EVL: variants seen among roughly 807,000 people sequenced by gnomAD.
EVL encodes ena/VASP-like protein.
A neutral mutation model predicts 59.6 loss-of-function variants in EVL; 21 were observed. The observed-to-expected ratio is 0.35, with a 90% confidence interval of 0.25 to 0.51. EVL has a LOEUF of 0.51. Ranked by LOEUF, EVL falls within the 20% of genes least tolerant of loss-of-function variation. The pLI is 0.97. For synonymous variants in EVL, 198 were observed against 203.5 expected, an observed-to-expected ratio of 0.97 and a Z score of 0.23; for missense variants, 462 against 546.6, an observed-to-expected ratio of 0.85 and a Z score of 1.54.
At chr14:100,105,868 C>G (rs906426319) in intron 3 of EVL, among the ~76,000 whole-genome samples, 2 of 152,262 alleles carry the variant, frequency 1.3e-5, no homozygotes, top group East Asian at 1.9e-4. Flanking sequence ...AACATGCCTC[C>G]CCTGCCACAG....
At chr14:100,124,144 A>C (rs1170514198) in intron 4 of EVL, among the ~76,000 whole-genome samples, 1 of 152,250 alleles carries the variant, frequency 6.6e-6, no homozygotes, top group Non-Finnish European at 1.5e-5. Context: ...CATTGCTCTG[A>C]AATGGCAGAG....
At chr14:100,031,027 G>A (rs980959261) in intron 1 of EVL, among the ~76,000 whole-genome samples, 2 of 151,826 alleles carry the variant, frequency 1.3e-5, no homozygotes, top group Non-Finnish European at 2.9e-5. Flanking sequence ...TGAGAACTCA[G>A]TGAAGAGCAC....
At chr14:100,024,198 ACTTT>A (rs1401859280) in intron 1 of EVL, among the ~76,000 whole-genome samples, 2 of 152,250 alleles carry the variant, frequency 1.3e-5, no homozygotes, top group East Asian at 3.8e-4. Flanking sequence ...ACTCTAACCA[ACTTT>A]CTTTATTAAT....
chr14:100,034,817 T>C (rs2061365423), intron 1 of EVL, among the ~76,000 whole-genome samples: 1 of 152,222 alleles, frequency 6.6e-6, no homozygotes, highest in Admixed American at 6.5e-5. Context: ...CCTCCTCTTA[T>C]TGGTAATTAT....
At chr14:100,037,408 C>T (rs1166310778) in intron 1 of EVL, among the ~76,000 whole-genome samples, 4 of 152,168 alleles carry the variant, frequency 2.6e-5, no homozygotes, top group African/African-American at 9.7e-5. Context: ...TCTTTCATTC[C>T]CCCAGGTAGA....
chr14:100,063,505 C>T (rs527420885), upstream of EVL, among the ~76,000 whole-genome samples: 10 of 152,250 alleles, frequency 6.6e-5, no homozygotes, highest in Non-Finnish European at 1.2e-4. Flanking sequence ...ACAGCAGCCG[C>T]AGAAAACCAA....
intron 1 of EVL, among the ~76,000 whole-genome samples, chr14:100,034,835 T>C (rs2061365730): frequency 6.6e-6 from 1 of 152,232 alleles, no homozygotes; most frequent in African/African-American, 2.4e-5. Flanking sequence ...TATTGTGTTA[T>C]TCTGGGCAAA....
intron 3 of EVL, chr14:100,106,972 A>C (rs1886609310): frequency 2.5e-6 from 1 of 398,688 alleles, no homozygotes; most frequent in Non-Finnish European, 4.4e-6. Flanking sequence ...AGCTTGGTCT[A>C]GCAGGAAGAG....
intron 1 of EVL, among the ~76,000 whole-genome samples, chr14:100,077,347 G>A (rs928425671): frequency 3.3e-5 from 5 of 152,238 alleles, no homozygotes; most frequent in Non-Finnish European, 7.3e-5. Context: ...ATGGCCTTCA[G>A]GTTTCAGACT....
intron 3 of EVL, among the ~76,000 whole-genome samples, chr14:100,101,468 G>A (rs923208415): frequency 5.9e-5 from 9 of 152,090 alleles, no homozygotes; most frequent in Non-Finnish European, 5.9e-5. Flanking sequence ...CAACAAGAGC[G>A]AAACTCTGTC....
intron 1 of EVL, among the ~76,000 whole-genome samples, chr14:100,052,059 T>C (rs1050710742): frequency 1.3e-5 from 2 of 152,136 alleles, no homozygotes; most frequent in African/African-American, 4.8e-5. Flanking sequence ...CTGTAAAAAA[T>C]AACGGAAGGG....
chr14:100,069,715 A>C (rs1010631070), intron 1 of EVL, among the ~76,000 whole-genome samples: 1 of 152,162 alleles, frequency 6.6e-6, no homozygotes, highest in Non-Finnish European at 1.5e-5. Flanking sequence ...TCTCATGAGA[A>C]TGTTACGATA....
In EVL at chr14:100,128,305, C is replaced by T. The variant is rs565657952; in HGVS notation, c.488-214C>T. Among the ~76,000 whole-genome samples, 4 of 152,296 alleles carry T rather than the reference C, an allele frequency of 2.6e-5. No individual in the cohort carries two copies. In the East Asian group the frequency reaches 7.7e-4, roughly 29 times the overall value. ...GGACACCTGTGGGTCCAGCCAGGCC[C>T]CGGAGTACTGAGGACACCAGAATAG... is the stretch of plus-strand genomic sequence containing the variant. On this transcript the variant is annotated intron_variant, in intron 5 of 13. Transcript: ENST00000392920.
rs777018633 is a variant in EVL at position 100,137,753 on chromosome 14, G to A, written c.1045G>A (p.Ala349Thr). The A allele has an allele frequency of 1.2e-6, 2 of 1,614,096 alleles. No homozygotes were observed. Among genetic ancestry groups the A allele is most frequent in the Non-Finnish European group, 1.7e-6 (2 of 1,180,022 alleles). ...SSILSRTPSV[A>T]KSPEAKSPLQ... is the part of the protein sequence containing the mutation. ...CCATTGCCGTAGAACCCCGTCTGTG[G>A]CAAAGAGCCCCGAAGCTAAGAGCCC... The change falls in exon 11 of 14, where the codon GCA (alanine) becomes ACA (threonine). Residue 349 changes from alanine to threonine, a missense_variant. By Grantham distance (58) the Ala-to-Thr change is moderately conservative. Coordinates refer to ENST00000392920, the MANE Select transcript of EVL (RefSeq NM_016337.3).
chr14:100,001,643 A>C (rs974423058), intron 1 of EVL, among the ~76,000 whole-genome samples: 2 of 152,206 alleles, frequency 1.3e-5, no homozygotes, highest in African/African-American at 4.8e-5. Flanking sequence ...GATTTGTACC[A>C]TCAAATAACT....
intron 1 of EVL, among the ~76,000 whole-genome samples, chr14:100,035,755 A>C (rs1027578031): frequency 1.3e-5 from 2 of 152,196 alleles, no homozygotes; most frequent in African/African-American, 4.8e-5. Context: ...TTCTAGAAAG[A>C]TACGTGTTTT....
At position 100,114,353 on chromosome 14, in the gene EVL, C is replaced by T. The variant is rs910354778; in HGVS notation, c.359-9186C>T. Among the ~76,000 whole-genome samples the T allele has an allele frequency of 2.6e-5, 4 of 152,148 alleles. No homozygotes were observed. Among genetic ancestry groups the T allele is most frequent in the Admixed American group, 2.0e-4 (3 of 15,286 alleles). ...CCCACAGGGTTAAGAGGAGTGCCAC[C>T]TACAGGGTATCTCTTGGCAGACACC... On this transcript the variant is annotated intron_variant, in intron 3 of 13. Coordinates refer to ENST00000392920, the MANE Select transcript of EVL (RefSeq NM_016337.3). This position sits in a 1 kb window ranked among gnomAD's most constrained non-coding sequence, Gnocchi z 5.0.
At chr14:100,018,426 T>G (rs1301579528) in intron 1 of EVL, among the ~76,000 whole-genome samples, 1 of 152,210 alleles carries the variant, frequency 6.6e-6, no homozygotes, top group East Asian at 1.9e-4. Context: ...ACTTTGCATG[T>G]CATGAAGAGG....
intron 7 of EVL, among the ~76,000 whole-genome samples, chr14:100,131,065 G>T (rs764902933): frequency 7.9e-5 from 12 of 152,232 alleles, no homozygotes; most frequent in Non-Finnish European, 1.8e-4. Context: ...CGCCCCCTGT[G>T]CCTGGAGAGC....
Sources: gnomAD v4.1 joint callset for allele counts (sites outside exome capture counted in the v4.1 genomes callset) on GRCh38, gnomAD v4.1.1 for gene constraint, Gnocchi (gnomAD v3.1) non-coding constraint, MANE v1.5 for transcripts, NCBI Gene and HGNC (gene_info 2026-07-23, HGNC 2026-07-21) for gene names.